POLN: variants seen among roughly 807,000 people sequenced by gnomAD.
POLN encodes the protein DNA polymerase nu, also known as DNA polymerase N.
Under a neutral mutation model 113.5 loss-of-function variants are expected in POLN, and 108 were observed. That is an observed-to-expected ratio of 0.95 (90% CI 0.81 to 1.12). The LOEUF (loss-of-function observed/expected upper bound fraction) is 1.12. Among genes scored for constraint, POLN ranks in the 50% most tolerant of loss-of-function variants. The pLI, the probability that POLN is intolerant of heterozygous loss-of-function variation, is 0.00. For missense variants in POLN, 1,097 were observed against 1,077.1 expected (o/e 1.02, Z -0.26); for synonymous variants, 386 against 391.5 (o/e 0.99, Z 0.17).
chr4:2,213,963 T>C (rs1734053732), intron 3 of POLN, among the ~76,000 whole-genome samples: 1 of 152,166 alleles, frequency 6.6e-6, no homozygotes, highest in South Asian at 2.1e-4. Flanking sequence ...AGGCCGGGCG[T>C]GGTGACTCAC....
intron 2 of POLN, among the ~76,000 whole-genome samples, chr4:2,235,775 G>A (rs574676152): frequency 2.6e-5 from 4 of 152,148 alleles, no homozygotes; most frequent in African/African-American, 7.2e-5. Flanking sequence ...ATGTGTGTGC[G>A]TAATAAAACT....
intron 7 of POLN, among the ~76,000 whole-genome samples, chr4:2,190,213 C>T (rs1041529907): frequency 2.0e-5 from 3 of 151,992 alleles, no homozygotes; most frequent in African/African-American, 4.8e-5. Flanking sequence ...AAAACCGACA[C>T]GCAGACCAAT....
intron 16 of POLN, among the ~76,000 whole-genome samples, chr4:2,149,106 C>A (rs1732226162): frequency 6.6e-6 from 1 of 152,058 alleles, no homozygotes; most frequent in African/African-American, 2.4e-5. Flanking sequence ...CTAGCCTGGG[C>A]AACATGGTGA....
At chr4:2,085,510 C>G in intron 21 of POLN, 103 bp downstream of exon 21, 1 of 1,506,620 alleles carries the variant, frequency 6.6e-7, no homozygotes, top group South Asian at 1.3e-5. Flanking sequence ...CCAAACCAAC[C>G]TCAGGACCCA....
chr4:2,220,456 T>G (rs555191799), intron 3 of POLN, among the ~76,000 whole-genome samples: 1 of 152,198 alleles, frequency 6.6e-6, no homozygotes, highest in Non-Finnish European at 1.5e-5. Context: ...ACCCCATAGG[T>G]GGGTTCCCAC....
intron 19 of POLN, among the ~76,000 whole-genome samples, chr4:2,106,716 T>C (rs1731074746): frequency 6.6e-6 from 1 of 152,178 alleles, no homozygotes; most frequent in African/African-American, 2.4e-5. Flanking sequence ...TCCCAGTAGG[T>C]CTTTTTATGG....
rs776964428 is a variant in POLN at position 2,236,293 on chromosome 4, T to C, written c.-13+5227A>G. On this transcript the variant is annotated intron_variant, in intron 2 of 25. Coordinates refer to ENST00000511885, the MANE Select transcript of POLN (RefSeq NM_181808.4). ...GTATCACAAAGCATGTCCACATCCT[T>C]ATTCCGTTTGGACAGAAAGAAAGAA... is the stretch of plus-strand genomic sequence containing the variant. 31 of 1,613,664 alleles carry C rather than the reference T, an allele frequency of 1.9e-5. No homozygotes were observed. The East Asian group carries it at 6.7e-4, about 35-fold the overall frequency.
chr4:2,098,364 A>G (rs1053771908), intron 19 of POLN, among the ~76,000 whole-genome samples: 2 of 152,204 alleles, frequency 1.3e-5, no homozygotes, highest in African/African-American at 4.8e-5. Context: ...GGCTGCAGTG[A>G]GCCATGAGTG....
At chr4:2,225,063 T>C (rs1734348897) in intron 3 of POLN, among the ~76,000 whole-genome samples, 1 of 152,096 alleles carries the variant, frequency 6.6e-6, no homozygotes, top group Non-Finnish European at 1.5e-5. Flanking sequence ...CCAACATATA[T>C]ACGGTCTGTC....
chr4:2,091,222 C>A (rs930505806), intron 20 of POLN, among the ~76,000 whole-genome samples: 11 of 152,222 alleles, frequency 7.2e-5, no homozygotes, highest in Non-Finnish European at 4.4e-5. Context: ...GCGACTTGGC[C>A]ATAACCAGAA....
chr4:2,169,673 T>C (rs1732813085), intron 13 of POLN, among the ~76,000 whole-genome samples: 1 of 152,238 alleles, frequency 6.6e-6, no homozygotes, highest in Non-Finnish European at 1.5e-5. Flanking sequence ...CACAGAGCAG[T>C]CGAGCAATGT....
intron 5 of POLN, among the ~76,000 whole-genome samples, chr4:2,199,999 C>T (rs1733671973): frequency 6.6e-6 from 1 of 152,154 alleles, no homozygotes. Context: ...ACACTGAAAA[C>T]TATAAAACAT....
At chr4:2,114,870 A>G (rs971332216) in intron 19 of POLN, among the ~76,000 whole-genome samples, 2 of 151,914 alleles carry the variant, frequency 1.3e-5, no homozygotes, top group Middle Eastern at 3.4e-3. Flanking sequence ...CCAAATATAC[A>G]TAAGTTAGTC....
intron 11 of POLN, among the ~76,000 whole-genome samples, chr4:2,172,791 C>T (rs1179638258): frequency 6.6e-6 from 1 of 152,174 alleles, no homozygotes; most frequent in Non-Finnish European, 1.5e-5. Context: ...TTCCCTGTGT[C>T]CCAGCAGCAC....
chr4:2,153,715 T>C (rs1732349556), intron 16 of POLN, among the ~76,000 whole-genome samples: 1 of 151,712 alleles, frequency 6.6e-6, no homozygotes, highest in Non-Finnish European at 1.5e-5. Flanking sequence ...CCCAAGTAGC[T>C]GGGACCACAG....
chr4:2,229,140 C>T lies in POLN; in HGVS notation c.92G>A (p.Gly31Asp), dbSNP rs139302710. ...AQKIMSAMHSGDLVDSKTWGK... is the reference protein window; with the variant it reads ...AQKIMSAMHSDDLVDSKTWGK... ...CCAAGTCTTAGAATCCACTAAATCA[C>T]CTGAATGCATAGCAGACATAATCTT... is the stretch of plus-strand genomic sequence containing the variant. The change falls in exon 3 of 26, where the codon GGT becomes GAT. Residue 31 changes from glycine to aspartate, a missense_variant. By Grantham distance (94) the Gly-to-Asp change is moderately conservative. Transcript: ENST00000511885. 8.7e-6 allele frequency: 14 copies of T among 1,610,946 alleles called. No individual in the cohort carries two copies. In the African/African-American group the frequency reaches 1.9e-4, roughly 22 times the overall value.
chr4:2,117,693 G>C (rs1731350434), intron 19 of POLN, among the ~76,000 whole-genome samples: 1 of 152,232 alleles, frequency 6.6e-6, no homozygotes, highest in Non-Finnish European at 1.5e-5. Context: ...TGACTGGGTA[G>C]GTGTTGAGGG....
chr4:2,174,128 T>G, intron 10 of POLN, 109 bp from the exon 11 acceptor site: 2 of 1,031,884 alleles, frequency 1.9e-6, no homozygotes, highest in Non-Finnish European at 3.0e-6. Context: ...CAACTGCCAT[T>G]TACTCAGCAC....
intron 20 of POLN, chr4:2,090,059 C>A: frequency 2.2e-6 from 2 of 897,812 alleles, no homozygotes; most frequent in Non-Finnish European, 3.5e-6. Context: ...TGAGATAATC[C>A]ATATTTTCCT....
Sources: gnomAD v4.1 joint callset for allele counts (sites outside exome capture counted in the v4.1 genomes callset) on GRCh38, gnomAD v4.1.1 for gene constraint, MANE v1.5 for transcripts, NCBI Gene and HGNC (gene_info 2026-07-23, HGNC 2026-07-21) for gene names.